OGT: variants seen among roughly 807,000 people sequenced by gnomAD.
OGT encodes the protein O-linked N-acetylglucosamine (GlcNAc) transferase.
A neutral mutation model predicts 75.8 loss-of-function variants in OGT; 3 were observed. That is an observed-to-expected ratio of 0.04 (90% confidence interval 0.02 to 0.10). The LOEUF is 0.10. Among genes scored for constraint, OGT ranks in the 10% least tolerant of loss-of-function variants. OGT has a pLI of 1.00. For missense variants in OGT, 260 were observed against 824.4 expected, an observed-to-expected ratio of 0.32 and a Z score of 8.38; for synonymous variants, 257 against 289.7, an observed-to-expected ratio of 0.89 and a Z score of 1.15.
At chrX:71,546,626 A>G in intron 4 of OGT, 1 of 724,982 alleles carries the variant, frequency 1.4e-6, no homozygotes, top group Non-Finnish European at 1.6e-6. Context: ...CTATAGCCAC[A>G]ATTCTGTCAA....
intron 6 of OGT, 68 bp downstream of exon 6, chrX:71,554,660 C>T (rs1435233640): frequency 1.2e-5 from 10 of 858,738 alleles, no homozygotes; most frequent in African/African-American, 9.9e-5. Context: ...CAGTTTGGAC[C>T]GAAATGATGA....
intron 21 of OGT, among the ~76,000 whole-genome samples, chrX:71,570,018 G>A (rs1366573541): frequency 1.1e-5 from 1 of 93,874 alleles, no homozygotes; most frequent in East Asian, 3.4e-4. Flanking sequence ...ACAGGAGTGA[G>A]CCACTGTGCC....
intron 4 of OGT, chrX:71,544,976 C>T: frequency 4.7e-6 from 1 of 214,415 alleles, no homozygotes; most frequent in Non-Finnish European, 8.7e-6. Context: ...TGATTTGGCT[C>T]AAGACTCCTA....
chrX:71,537,679 C>T, intron 2 of OGT, 150 bp from the exon 3 acceptor site: 1 of 592,753 alleles, frequency 1.7e-6, no homozygotes, highest in Non-Finnish European at 2.5e-6. Flanking sequence ...CTTTGATTTC[C>T]CAAATTTTTC....
intron 14 of OGT, among the ~76,000 whole-genome samples, chrX:71,560,791 G>A (rs1450652113): frequency 9.0e-6 from 1 of 111,346 alleles, no homozygotes; most frequent in Admixed American, 9.6e-5. Flanking sequence ...GACCTTTAGG[G>A]ACTCACTGCT....
chrX:71,543,572 A>T (rs909944444), intron 3 of OGT, among the ~76,000 whole-genome samples: 2 of 110,261 alleles, frequency 1.8e-5, no homozygotes, highest in Non-Finnish European at 3.8e-5. Context: ...CGATAGTGAA[A>T]TGAAGTCAGA....
At chrX:71,568,867 A>C (rs2040434425) in intron 21 of OGT, among the ~76,000 whole-genome samples, 1 of 110,289 alleles carries the variant, frequency 9.1e-6, no homozygotes, top group Admixed American at 9.7e-5. Context: ...AACAAAAAAA[A>C]AACCAAACAA....
intron 19 of OGT, among the ~76,000 whole-genome samples, chrX:71,566,046 G>A (rs754226856): frequency 8.9e-6 from 1 of 112,296 alleles, no homozygotes; most frequent in South Asian, 3.7e-4. Context: ...TTAATCCATA[G>A]AACTAAAATA....
At chrX:71,549,155 G>T (rs767422747) in intron 5 of OGT, among the ~76,000 whole-genome samples, 1 of 107,426 alleles carries the variant, frequency 9.3e-6, no homozygotes, top group Non-Finnish European at 1.9e-5. Context: ...AATGAGCTGG[G>T]TGTGGCAGTG....
At chrX:71,533,357 C>T in intron 1 of OGT, 21 bp downstream of exon 1, 2 of 1,182,234 alleles carry the variant, frequency 1.7e-6, no homozygotes, top group Non-Finnish European at 2.3e-6. Context: ...CCCGTTCTAC[C>T]TTGGCAGATG....
chrX:71,543,485 CT>C (rs1476128630), intron 3 of OGT, among the ~76,000 whole-genome samples: 1 of 110,735 alleles, frequency 9.0e-6, no homozygotes, highest in East Asian at 2.8e-4. Flanking sequence ...CCACTCAACT[CT>C]AATGGCACTT....
chrX:71,541,331 T>C (rs1254496447), intron 3 of OGT, among the ~76,000 whole-genome samples: 1 of 110,834 alleles, frequency 9.0e-6, no homozygotes, highest in Non-Finnish European at 1.9e-5. Flanking sequence ...TCTGTTCTGC[T>C]TTCTGTTGTA....
intron 2 of OGT, among the ~76,000 whole-genome samples, 183 bp from the exon 3 acceptor site, chrX:71,537,646 A>G (rs965280973): frequency 8.9e-6 from 1 of 112,994 alleles, no homozygotes; most frequent in Non-Finnish European, 1.9e-5. Context: ...TTTGAAATCT[A>G]GAATACCTCC....
intron 3 of OGT, 34 bp downstream of exon 3, chrX:71,538,106 T>TAGAAACCCAGAA (rs1457190095): frequency 2.5e-6 from 3 of 1,188,971 alleles, no homozygotes; most frequent in Non-Finnish European, 3.4e-6. Context: ...TTTCCCTTCC[T>TAGAAACCCAGAA]AGAAACCCAG....
At chrX:71,553,346 G>A (rs1456734329) in intron 5 of OGT, among the ~76,000 whole-genome samples, 2 of 112,073 alleles carry the variant, frequency 1.8e-5, no homozygotes, top group African/African-American at 3.2e-5. Flanking sequence ...TGCCCGCCTT[G>A]GCCTCCCAAA....
At chrX:71,557,154 T>C (rs1167731004) in intron 10 of OGT, 41 bp from the exon 11 acceptor site, 7 of 1,196,155 alleles carry the variant, frequency 5.9e-6, no homozygotes, top group South Asian at 1.8e-5. Flanking sequence ...AAAATTTAAC[T>C]TTTGGAAATT....
intron 3 of OGT, among the ~76,000 whole-genome samples, chrX:71,542,592 G>T (rs1383029730): frequency 8.9e-6 from 1 of 111,802 alleles, no homozygotes; most frequent in Non-Finnish European, 1.9e-5. Context: ...GCAACAGCTG[G>T]CTACTATGTA....
At chrX:71,572,565 C>T (rs1015423057) in intron 21 of OGT, among the ~76,000 whole-genome samples, 20 of 111,193 alleles carry the variant, frequency 1.8e-4, no homozygotes, top group African/African-American at 2.6e-4. Context: ...CCCAGGAGTT[C>T]GAGACCAGCC....
intron 21 of OGT, among the ~76,000 whole-genome samples, chrX:71,568,982 G>A (rs1480454070): frequency 8.9e-6 from 1 of 111,912 alleles, no homozygotes; most frequent in Admixed American, 9.5e-5. Flanking sequence ...GCCTTTTTAT[G>A]CATTGGTGAA....
Sources: gnomAD v4.1 joint callset for allele counts (sites outside exome capture counted in the v4.1 genomes callset) on GRCh38, gnomAD v4.1.1 for gene constraint, MANE v1.5 for transcripts, NCBI Gene and HGNC (gene_info 2026-07-23, HGNC 2026-07-21) for gene names.